Variants in SLX4IP observed in about 807,000 individuals in gnomAD.
The protein encoded by SLX4IP is SLX4 interacting protein.
In SLX4IP, 34 loss-of-function variants were observed where a neutral mutation model predicts 32.9. That is an observed-to-expected ratio of 1.03 (90% confidence interval 0.79 to 1.38). The LOEUF (loss-of-function observed/expected upper bound fraction) is 1.38. SLX4IP is among the 40% of genes most tolerant of loss of function. The pLI is 0.00. For synonymous variants in SLX4IP, 172 were observed against 171.7 expected (o/e 1.00, Z -0.01); for missense variants, 444 against 479.0 (o/e 0.93, Z 0.68).
At chr20:10,453,341 C>A (rs1242335207) in intron 1 of SLX4IP, among the ~76,000 whole-genome samples, 1 of 73,908 alleles carries the variant, frequency 1.4e-5, no homozygotes, top group Non-Finnish European at 3.6e-5. Flanking sequence ...TGTAGATCTT[C>A]CTGGACGTGC....
Position 10,458,267 on chromosome 20 carries a change from A to C in SLX4IP, c.27+36A>C, listed in dbSNP as rs1345789188. On this transcript the variant is annotated intron_variant, in intron 2 of 7. Coordinates refer to ENST00000334534, the MANE Select transcript of SLX4IP (RefSeq NM_001009608.3). The stretch of plus-strand genomic sequence containing the variant: ...TTTAATAGCTTTTTAAAAAGAGGCT[A>C]ATCACTTTCTAATATAACTGAGCTC... The C allele has an allele frequency of 2.0e-6, 3 of 1,534,522 alleles. No homozygotes were observed. The Admixed American group carries it at 6.2e-5, about 32-fold the overall frequency.
At chr20:10,440,219 C>T (rs910041117) in intron 1 of SLX4IP, among the ~76,000 whole-genome samples, 1 of 151,516 alleles carries the variant, frequency 6.6e-6, no homozygotes, top group East Asian at 1.9e-4. Context: ...CTTTGGGAGG[C>T]CGAGGCTGGC....
At chr20:10,610,250 G>A (rs13045582) in intron 6 of SLX4IP, among the ~76,000 whole-genome samples, 11 of 68,300 alleles carry the variant, frequency 1.6e-4, no homozygotes, top group African/African-American at 4.8e-4. Flanking sequence ...ACTGTTTGCA[G>A]CCACTTATGG....
chr20:10,506,315 A>G (rs2065759326), intron 2 of SLX4IP, among the ~76,000 whole-genome samples: 1 of 152,228 alleles, frequency 6.6e-6, no homozygotes, highest in Non-Finnish European at 1.5e-5. Flanking sequence ...GATGGCTAAG[A>G]TTCTTTCAGG....
At chr20:10,582,362 G>A (rs547172120) in intron 4 of SLX4IP, among the ~76,000 whole-genome samples, 47 of 152,068 alleles carry the variant, frequency 3.1e-4, no homozygotes, top group African/African-American at 1.0e-3. Context: ...TTTTGTTTGC[G>A]TTACATATGT....
At chr20:10,533,325 C>T (rs1600971733) in intron 2 of SLX4IP, among the ~76,000 whole-genome samples, 1 of 152,144 alleles carries the variant, frequency 6.6e-6, no homozygotes, top group East Asian at 1.9e-4. Context: ...GTTCTTGAAA[C>T]AGAGTCTTGC....
chr20:10,591,279 G>C (rs1380452021), intron 4 of SLX4IP, among the ~76,000 whole-genome samples: 2 of 152,202 alleles, frequency 1.3e-5, no homozygotes, highest in Non-Finnish European at 2.9e-5. Flanking sequence ...TGTGGTCCTG[G>C]CTGACAAACA....
intron 2 of SLX4IP, among the ~76,000 whole-genome samples, chr20:10,474,271 T>C (rs1329748681): frequency 6.6e-6 from 1 of 152,226 alleles, no homozygotes; most frequent in Admixed American, 6.5e-5. Context: ...GGTGTGCTGG[T>C]CTAACAATAT....
chr20:10,600,628 C>T (rs974484099), intron 5 of SLX4IP, among the ~76,000 whole-genome samples: 2 of 151,780 alleles, frequency 1.3e-5, no homozygotes, highest in Non-Finnish European at 2.9e-5. Context: ...TTGACACCTT[C>T]TTGCTTGGCT....
chr20:10,613,962 T>C (rs2066997181), intron 6 of SLX4IP: 4 of 1,162,906 alleles, frequency 3.4e-6, no homozygotes. Context: ...AGGAGAGTCC[T>C]CGTCCACCGT....
chr20:10,493,836 T>C (rs180788232), intron 2 of SLX4IP, among the ~76,000 whole-genome samples: 80 of 150,970 alleles, frequency 5.3e-4, no homozygotes, highest in Middle Eastern at 3.4e-3. Flanking sequence ...TAAACTTTAC[T>C]GAAGTGTTTT....
At position 10,611,813 on chromosome 20, in the gene SLX4IP, G is replaced by T. The variant is rs141523137; in HGVS notation, c.406-9501G>T. ...GAAGAAACTGGTGCTCAGAGAATAT[G>T]TCAGTTGTCCAAATATCACAGTCAG... is the stretch of plus-strand genomic sequence containing the variant. On this transcript the variant is annotated intron_variant, in intron 6 of 7. Coordinates refer to ENST00000334534, the MANE Select transcript of SLX4IP (RefSeq NM_001009608.3). Among the ~76,000 whole-genome samples, 113 of 152,312 alleles carry T rather than the reference G, an allele frequency of 7.4e-4. No homozygotes were observed. In the Middle Eastern group the frequency reaches 0.014, roughly 18 times the overall value.
chr20:10,554,869 A>G (rs532856040), intron 2 of SLX4IP, among the ~76,000 whole-genome samples: 1 of 152,260 alleles, frequency 6.6e-6, no homozygotes, highest in South Asian at 2.1e-4. Context: ...TTGAATACAT[A>G]AATACATTTC....
chr20:10,479,478 G>A lies in SLX4IP; in HGVS notation c.27+21247G>A, dbSNP rs1409965406. 2.7e-5 allele frequency among the ~76,000 whole-genome samples: 4 copies of A among 150,212 alleles called. No individual in the cohort carries two copies. The South Asian group carries it at 8.4e-4, about 32-fold the overall frequency. On this transcript the variant is annotated intron_variant, in intron 2 of 7. Transcript: ENST00000334534. ...AGCAATTCTTCTGCCTCAGCCTCCT[G>A]AGTAGCTGAGACTACAGGCGTGCAC...
intron 6 of SLX4IP, among the ~76,000 whole-genome samples, chr20:10,602,093 T>A (rs1371918473): frequency 2.0e-5 from 3 of 152,230 alleles, no homozygotes; most frequent in African/African-American, 7.2e-5. Flanking sequence ...TGATGGTGCT[T>A]ATGATAGTGT....
intron 2 of SLX4IP, among the ~76,000 whole-genome samples, chr20:10,553,953 G>A (rs953679335): frequency 6.6e-5 from 10 of 152,024 alleles, no homozygotes; most frequent in African/African-American, 2.4e-4. Flanking sequence ...TTAAATAACT[G>A]CCAACAAGTA....
intron 2 of SLX4IP, among the ~76,000 whole-genome samples, chr20:10,527,860 TA>T (rs2065952431): frequency 6.6e-6 from 1 of 152,238 alleles, no homozygotes; most frequent in Non-Finnish European, 1.5e-5. Context: ...GATTATTCAT[TA>T]ATATAATTAC....
intron 4 of SLX4IP, among the ~76,000 whole-genome samples, chr20:10,569,045 G>A (rs1027392334): frequency 1.3e-5 from 2 of 152,142 alleles, no homozygotes; most frequent in Admixed American, 1.3e-4. Context: ...GGATGCACTT[G>A]TAACGTTATT....
At chr20:10,520,794 TTC>T (rs1454788318) in intron 2 of SLX4IP, among the ~76,000 whole-genome samples, 1 of 152,210 alleles carries the variant, frequency 6.6e-6, no homozygotes, top group East Asian at 1.9e-4. Context: ...CCCCTTAAAA[TTC>T]TTTCTCCCTT....
Sources: allele counts gnomAD v4.1 joint callset (sites outside exome capture counted in the v4.1 genomes callset), GRCh38; gene constraint gnomAD v4.1.1; transcripts MANE v1.5; gene names NCBI Gene and HGNC (gene_info 2026-07-23, HGNC 2026-07-21).